Variants in GAS2 observed in about 807,000 individuals in gnomAD.
GAS2 encodes growth arrest specific 2, also known as growth arrest-specific protein 2.
GAS2 carries 20 observed loss-of-function variants against 37.5 expected under a neutral mutation model. The ratio of observed to expected loss-of-function variants is 0.53; its 90% CI spans 0.37 to 0.77. The LOEUF (loss-of-function observed/expected upper bound fraction) is 0.77. Among genes scored for constraint, GAS2 ranks in the 30% least tolerant of loss-of-function variants. GAS2 has a pLI of 0.00. For missense variants in GAS2, 336 were observed against 373.4 expected, an observed-to-expected ratio of 0.90 and a Z score of 0.82; for synonymous variants, 144 against 132.2, an observed-to-expected ratio of 1.09 and a Z score of -0.61.
chr11:22,787,660 G>A (rs373648363), intron 7 of GAS2, among the ~76,000 whole-genome samples: 29 of 152,280 alleles, frequency 1.9e-4, no homozygotes, highest in African/African-American at 4.6e-4. Context: ...GGTGAGAAGC[G>A]TTGGGGGAAA....
At chr11:22,746,715 A>G (rs1853423714) in intron 5 of GAS2, among the ~76,000 whole-genome samples, 1 of 152,102 alleles carries the variant, frequency 6.6e-6, no homozygotes. Flanking sequence ...AGAGCAAGGG[A>G]GGGAGGAAAG....
intron 2 of GAS2, among the ~76,000 whole-genome samples, chr11:22,675,608 C>T (rs1481049308): frequency 1.3e-5 from 2 of 152,120 alleles, no homozygotes; most frequent in Non-Finnish European, 2.9e-5. Context: ...CCTTTTGTTG[C>T]TGTTGTGCTT....
rs117366488 is a variant in GAS2, at chr11:22,806,143, C to T, written c.724-5655C>T. ...GTCTCAGCCTCATTTTACCAAGCCC[C>T]TATTCAAGATGGAGTTGCTCTCATT... On this transcript the variant is annotated intron_variant, in intron 7 of 7. Transcript: ENST00000454584. Among the ~76,000 whole-genome samples, 802 of 152,228 alleles carry T rather than the reference C, an allele frequency of 5.3e-3. 13 individuals are homozygous for T. Among genetic ancestry groups the T allele is most frequent in the East Asian group, 0.039 (200 of 5,174 alleles).
At chr11:22,667,369 C>T (rs1849025963) in intron 1 of GAS2, among the ~76,000 whole-genome samples, 1 of 152,120 alleles carries the variant, frequency 6.6e-6, no homozygotes, top group African/African-American at 2.4e-5. Flanking sequence ...AGGGCTGATC[C>T]TGAATGTTTT....
intron 7 of GAS2, among the ~76,000 whole-genome samples, chr11:22,773,168 C>T (rs1855075029): frequency 6.6e-6 from 1 of 152,082 alleles, no homozygotes; most frequent in African/African-American, 2.4e-5. Flanking sequence ...AGTCTTCTGT[C>T]TGTGGTCGCG....
intron 5 of GAS2, among the ~76,000 whole-genome samples, chr11:22,746,330 A>G (rs1030048572): frequency 1.1e-4 from 17 of 152,180 alleles, no homozygotes; most frequent in African/African-American, 3.1e-4. Context: ...GCTGAGAACC[A>G]CTATTCAACC....
chr11:22,691,826 T>C (rs2133974177), intron 3 of GAS2, among the ~76,000 whole-genome samples: 1 of 152,336 alleles, frequency 6.6e-6, no homozygotes, highest in East Asian at 1.9e-4. Flanking sequence ...TTTTATTTAC[T>C]TTGTAATTGC....
At chr11:22,809,755 A>G (rs1475407306) in intron 7 of GAS2, among the ~76,000 whole-genome samples, 1 of 151,594 alleles carries the variant, frequency 6.6e-6, no homozygotes, top group Non-Finnish European at 1.5e-5. Context: ...CGGCCTCCCA[A>G]AGTGTTGAGA....
intron 3 of GAS2, among the ~76,000 whole-genome samples, chr11:22,709,624 C>T (rs191984313): frequency 6.6e-6 from 1 of 152,196 alleles, no homozygotes; most frequent in Admixed American, 6.5e-5. Context: ...GGATCTAGAA[C>T]TAGAAATACC....
chr11:22,635,972 C>A (rs1286803864), intron 1 of GAS2, among the ~76,000 whole-genome samples: 1 of 151,952 alleles, frequency 6.6e-6, no homozygotes, highest in African/African-American at 2.4e-5. Flanking sequence ...TGGGGACTCA[C>A]AGTTTTCTGC....
intron 1 of GAS2, among the ~76,000 whole-genome samples, chr11:22,673,491 T>C (rs1344789004): frequency 2.0e-5 from 3 of 152,248 alleles, no homozygotes; most frequent in African/African-American, 7.2e-5. Context: ...ATGCATCTGG[T>C]TATTTCATAA....
chr11:22,667,228 A>G (rs1849020636), intron 1 of GAS2: 1 of 152,234 alleles, frequency 6.6e-6, no homozygotes, highest in Admixed American at 6.5e-5. Context: ...CCAACCAGGG[A>G]CAGAGTGAGG....
At chr11:22,690,982 A>G (rs557027390) in intron 3 of GAS2, among the ~76,000 whole-genome samples, 1 of 152,046 alleles carries the variant, frequency 6.6e-6, no homozygotes, top group Admixed American at 6.6e-5. Context: ...CTCTTTTTCT[A>G]CTAACTTTCC....
rs1033023843 is a variant in GAS2, at chr11:22,638,687, G to GC, written c.-21+12875dup. On this transcript the variant is annotated intron_variant, in intron 1 of 5. Coordinates refer to the GAS2 transcript ENST00000528582. ...TATGCAAGAAATTATAGGACACTATGCAACTGATGGACCAATGAAAACAAG... is the reference window on the plus strand; with the variant it reads ...TATGCAAGAAATTATAGGACACTATGCCAACTGATGGACCAATGAAAACAAG... 4.4e-4 allele frequency among the ~76,000 whole-genome samples: 67 copies of GC among 152,226 alleles called. 1 individual carries two copies. Among genetic ancestry groups the GC allele is most frequent in the African/African-American group, 1.6e-3 (65 of 41,546 alleles).
In GAS2 at chr11:22,765,580, C is replaced by G. The variant is rs150251384; in HGVS notation, c.723+9627C>G. The stretch of plus-strand genomic sequence containing the variant: ...GGCTCATGAGATCAGGAGATTGAGA[C>G]CATCCTGGCTAACACTGTGAAACCC... On this transcript the variant is annotated intron_variant, in intron 7 of 7. Coordinates refer to ENST00000454584, the MANE Select transcript of GAS2 (RefSeq NM_001143830.3). Among the ~76,000 whole-genome samples the G allele has an allele frequency of 2.6e-3, 398 of 152,168 alleles. 10 individuals are homozygous for G. In the East Asian group the frequency reaches 0.061, roughly 23 times the overall value.
intron 7 of GAS2, among the ~76,000 whole-genome samples, chr11:22,793,551 A>G (rs1224643098): frequency 1.3e-5 from 2 of 152,200 alleles, no homozygotes; most frequent in African/African-American, 2.4e-5. Flanking sequence ...AGAGAACACA[A>G]TGATGAAGCT....
intron 2 of GAS2, among the ~76,000 whole-genome samples, chr11:22,684,811 C>A (rs969180862): frequency 1.3e-5 from 2 of 152,154 alleles, no homozygotes; most frequent in Admixed American, 6.5e-5. Flanking sequence ...CTCAAGCAAT[C>A]CACCTACCTC....
intron 3 of GAS2, among the ~76,000 whole-genome samples, chr11:22,690,512 G>A (rs1850191291): frequency 6.6e-6 from 1 of 152,160 alleles, no homozygotes; most frequent in Admixed American, 6.6e-5. Flanking sequence ...CAGTAGATGG[G>A]TGGAAGCATT....
chr11:22,785,179 A>T (rs1350944011), intron 7 of GAS2, among the ~76,000 whole-genome samples: 2 of 152,166 alleles, frequency 1.3e-5, no homozygotes, highest in African/African-American at 2.4e-5. Context: ...TTACTGAGGG[A>T]TAAAAAACAA....
Sources: gnomAD v4.1 joint callset for allele counts (sites outside exome capture counted in the v4.1 genomes callset) on GRCh38, gnomAD v4.1.1 for gene constraint, MANE v1.5 for transcripts, NCBI Gene and HGNC (gene_info 2026-07-23, HGNC 2026-07-21) for gene names.